NAPEPLD: variants seen among roughly 807,000 people sequenced by gnomAD.
The protein encoded by NAPEPLD is N-acyl phosphatidylethanolamine phospholipase D.
NAPEPLD carries 23 observed loss-of-function variants against 38.1 expected under a neutral mutation model. The ratio of observed to expected loss-of-function variants is 0.60; its 90% CI spans 0.43 to 0.86. The LOEUF is 0.86. Ranked by LOEUF, NAPEPLD falls within the 40% of genes least tolerant of loss-of-function variation. NAPEPLD has a pLI of 0.00. For missense variants in NAPEPLD, 411 were observed against 476.8 expected (o/e 0.86, Z 1.28); for synonymous variants, 147 against 162.0 (o/e 0.91, Z 0.71).
intron 1 of NAPEPLD, chr7:103,141,640 C>A: frequency 1.1e-6 from 1 of 894,088 alleles, no homozygotes; most frequent in Non-Finnish European, 1.9e-6. Context: ...GGTGCAGAAT[C>A]CTCATTCTCC....
Position 103,103,503 on chromosome 7 carries a change from G to A in NAPEPLD, c.1108C>T (p.Leu370Phe), listed in dbSNP as rs1371743032. The change falls in exon 5 of 5, where the codon CTT becomes TTT. Residue 370 changes from leucine (L) to phenylalanine (F), a missense_variant. By Grantham distance (22) the Leu-to-Phe change is conservative (BLOSUM62 0). Transcript: ENST00000465647. ...KLNEALERYG[L>F]NAEDFFVLKH... ...AAGACAAAAAAATCTTCAGCGTTAAGTCCGTATCTCTCTAGAGCTTCATTC... is the reference window on the plus strand; with the variant it reads ...AAGACAAAAAAATCTTCAGCGTTAAATCCGTATCTCTCTAGAGCTTCATTC... The A allele has an allele frequency of 1.9e-6, 3 of 1,600,146 alleles. No individual in the cohort carries two copies. Among genetic ancestry groups the A allele is most frequent in the Admixed American group, 3.5e-5 (2 of 56,820 alleles).
At chr7:103,126,820 AT>A (rs1807922284) in intron 2 of NAPEPLD, 1 of 91,452 alleles carries the variant, frequency 1.1e-5, no homozygotes. Context: ...TAGAGATGGC[AT>A]TTTGCTATGT....
intron 4 of NAPEPLD, among the ~76,000 whole-genome samples, chr7:103,105,099 G>A (rs553979372): frequency 1.2e-4 from 19 of 152,188 alleles, no homozygotes; most frequent in African/African-American, 3.9e-4. Context: ...CCAATTCTTC[G>A]CTGTTTCAAC....
chr7:103,125,511 T>G (rs1302343303), intron 2 of NAPEPLD, among the ~76,000 whole-genome samples: 1 of 152,200 alleles, frequency 6.6e-6, no homozygotes, highest in East Asian at 1.9e-4. Context: ...TATTCATATT[T>G]TCTAGTTTTA....
chr7:103,149,548 G>T, upstream of NAPEPLD: 1 of 1,211,076 alleles, frequency 8.3e-7, no homozygotes, highest in Non-Finnish European at 1.1e-6. Context: ...CAGGGCCAGC[G>T]GTGGCCTCCT....
At chr7:103,145,810 G>A (rs538829103) in intron 1 of NAPEPLD, among the ~76,000 whole-genome samples, 4 of 151,934 alleles carry the variant, frequency 2.6e-5, no homozygotes, top group African/African-American at 9.7e-5. Flanking sequence ...GAACCGAAGG[G>A]GCATACAATC....
chr7:103,149,123 G>A (rs1813217972), upstream of NAPEPLD: 1 of 986,928 alleles, frequency 1.0e-6, no homozygotes, highest in Non-Finnish European at 1.2e-6. Context: ...CAGAGACCGT[G>A]GAGGAGGCAG....
chr7:103,146,726 C>G (rs1397231259), intron 1 of NAPEPLD, among the ~76,000 whole-genome samples: 2 of 152,160 alleles, frequency 1.3e-5, no homozygotes, highest in African/African-American at 4.8e-5. Flanking sequence ...TGCTGACCAA[C>G]GCTTGCTAAT....
At chr7:103,134,695 T>C (rs1009455620) in intron 1 of NAPEPLD, among the ~76,000 whole-genome samples, 6 of 152,176 alleles carry the variant, frequency 3.9e-5, no homozygotes, top group Admixed American at 3.3e-4. Context: ...TAAAGAACAA[T>C]GTATTACAAA....
intron 3 of NAPEPLD, among the ~76,000 whole-genome samples, chr7:103,117,371 T>C (rs1432186374): frequency 3.3e-5 from 5 of 152,088 alleles, no homozygotes; most frequent in Non-Finnish European, 7.4e-5. Context: ...TCTCTCTTGA[T>C]TTTTTTTAAA....
At chr7:103,141,379 A>T in intron 1 of NAPEPLD, 1 of 801,746 alleles carries the variant, frequency 1.2e-6, no homozygotes, top group South Asian at 1.3e-5. Context: ...CCTTGGACAA[A>T]GTCTTGATGA....
intron 4 of NAPEPLD, among the ~76,000 whole-genome samples, chr7:103,108,963 T>C (rs572333992): frequency 6.6e-6 from 1 of 152,080 alleles, no homozygotes; most frequent in African/African-American, 2.4e-5. Flanking sequence ...AAAACAGATT[T>C]TAAACCAACA....
In NAPEPLD at chr7:103,139,968, T is replaced by C. The variant is rs553681114; in HGVS notation, c.-17+8843A>G. Among the ~76,000 whole-genome samples the C allele has an allele frequency of 2.0e-5, 3 of 152,330 alleles. No individual in the cohort carries two copies. The South Asian group carries it at 6.2e-4, about 32-fold the overall frequency. ...CTCTGTTTAAGAATAGCAGAAAGTT[T>C]GTAGCAAATTATAAAAGCATATTAA... On this transcript the variant is annotated intron_variant, in intron 1 of 4. Coordinates refer to ENST00000465647, the MANE Select transcript of NAPEPLD (RefSeq NM_001122838.3).
intron 1 of NAPEPLD, chr7:103,141,935 C>T: frequency 1.1e-6 from 1 of 940,792 alleles, no homozygotes; most frequent in Admixed American, 1.7e-5. Flanking sequence ...CCTGAGCATA[C>T]TCAAGGCTGC....
chr7:103,149,727 C>T (rs963141250), upstream of NAPEPLD, among the ~76,000 whole-genome samples: 4 of 152,204 alleles, frequency 2.6e-5, no homozygotes, highest in Non-Finnish European at 4.4e-5. Flanking sequence ...CCCCCGCTGT[C>T]CTAAGCCAGA....
intron 1 of NAPEPLD, chr7:103,141,423 A>G (rs1177112370): frequency 1.1e-6 from 1 of 877,004 alleles, no homozygotes; most frequent in Non-Finnish European, 2.0e-6. Flanking sequence ...TGCTCTTCAT[A>G]GCTCTTGTGT....
At chr7:103,149,292 T>G, upstream of NAPEPLD, 1 of 1,067,948 alleles carries the variant, frequency 9.4e-7, no homozygotes. Flanking sequence ...GCGCTTGGGG[T>G]GGCCGGGAGC....
rs541955362 is a variant in NAPEPLD at position 103,144,146 on chromosome 7, G to A, written c.-17+4665C>T. Among the ~76,000 whole-genome samples, 84 of 152,326 alleles carry A rather than the reference G, an allele frequency of 5.5e-4. No homozygotes were observed. The South Asian group carries it at 0.016, about 29-fold the overall frequency. ...GGGATGAAACCCAAGTTGACCAGAT[G>A]CCAAAGCCCATGCTCTTTCCACTAA... On this transcript the variant is annotated intron_variant, in intron 1 of 4. Transcript: ENST00000465647.
Position 103,128,790 on chromosome 7 carries a change from G to T in NAPEPLD, c.-14C>A, listed in dbSNP as rs1315112454. ...ATTTTCATCCATGTCCTTTGGTGAA[G>T]AACTAAAAAAAACAAGGGGGAAAAA... On this transcript the variant is annotated splice_region_variant and 5_prime_UTR_variant, in exon 2 of 5. Coordinates refer to ENST00000465647, the MANE Select transcript of NAPEPLD (RefSeq NM_001122838.3). 2 of 1,594,402 alleles carry T rather than the reference G, an allele frequency of 1.3e-6. No individual in the cohort carries two copies. Among genetic ancestry groups the T allele is most frequent in the Non-Finnish European group, 1.7e-6 (2 of 1,173,634 alleles).
Sources: allele counts gnomAD v4.1 joint callset (sites outside exome capture counted in the v4.1 genomes callset), GRCh38; gene constraint gnomAD v4.1.1; transcripts MANE v1.5; gene names NCBI Gene and HGNC (gene_info 2026-07-23, HGNC 2026-07-21).